CTNNA3: variants seen among roughly 807,000 people sequenced by gnomAD.
CTNNA3 encodes the protein catenin alpha-3.
In CTNNA3, 76 loss-of-function variants were observed where a neutral mutation model predicts 95.7. The observed-to-expected ratio is 0.79, with a 90% CI of 0.66 to 0.96. The LOEUF (loss-of-function observed/expected upper bound fraction) is 0.96. Among genes scored for constraint, CTNNA3 ranks in the 40% least tolerant of loss-of-function variants. CTNNA3 has a pLI of 0.00. For synonymous variants in CTNNA3, 431 were observed against 374.4 expected (o/e 1.15, Z -1.74); for missense variants, 1,191 against 1,089.8 (o/e 1.09, Z -1.31).
intron 1 of CTNNA3, among the ~76,000 whole-genome samples, chr10:67,659,106 A>C (rs558055648): frequency 6.1e-4 from 92 of 151,966 alleles, no homozygotes; most frequent in Admixed American, 2.9e-3. Context: ...AGCAGCAAAA[A>C]AGGTAAAAAA....
chr10:66,428,028 C>T (rs1246125140), intron 11 of CTNNA3, among the ~76,000 whole-genome samples: 4 of 152,112 alleles, frequency 2.6e-5, no homozygotes, highest in Non-Finnish European at 4.4e-5. Context: ...CAGAGACACA[C>T]ATGGGCTCAA....
intron 11 of CTNNA3, among the ~76,000 whole-genome samples, chr10:66,391,803 C>T (rs2092935739): frequency 6.6e-6 from 1 of 151,956 alleles, no homozygotes; most frequent in South Asian, 2.1e-4. Context: ...GACACATGCT[C>T]ATGTTAAATT....
At chr10:67,353,117 A>T (rs942915491) in intron 5 of CTNNA3, among the ~76,000 whole-genome samples, 5 of 152,052 alleles carry the variant, frequency 3.3e-5, no homozygotes, top group Admixed American at 3.3e-4. Flanking sequence ...GTAGCTTTAG[A>T]CAACATATTC....
intron 13 of CTNNA3, among the ~76,000 whole-genome samples, chr10:66,166,252 C>T (rs987826919): frequency 6.6e-6 from 1 of 151,690 alleles, no homozygotes; most frequent in African/African-American, 2.4e-5. Flanking sequence ...GATCAGGAGT[C>T]CAAGAGATCA....
chr10:66,362,715 T>A (rs10997092), intron 12 of CTNNA3, among the ~76,000 whole-genome samples: 1 of 150,674 alleles, frequency 6.6e-6, no homozygotes, highest in Non-Finnish European at 1.5e-5. Flanking sequence ...TACTTCCCCC[T>A]GCCGACCAAA....
chr10:67,639,919 T>G (rs531069026), intron 2 of CTNNA3, among the ~76,000 whole-genome samples: 14 of 152,138 alleles, frequency 9.2e-5, no homozygotes, highest in Non-Finnish European at 1.8e-4. Flanking sequence ...GGGCAAAAAC[T>G]GGAAGAATTC....
intron 3 of CTNNA3, 134 bp downstream of exon 3, chr10:67,606,723 C>T: frequency 3.0e-6 from 2 of 668,970 alleles, no homozygotes; most frequent in Non-Finnish European, 5.0e-6. Context: ...CTGCCTCCCA[C>T]AGCTAGCTCC....
intron 4 of CTNNA3, among the ~76,000 whole-genome samples, chr10:67,526,058 A>G (rs1279122365): frequency 6.6e-6 from 1 of 152,216 alleles, no homozygotes; most frequent in Admixed American, 6.5e-5. Flanking sequence ...CTAAAGCAGA[A>G]GGAAAGAATA....
At chr10:66,152,101 G>A (rs1026651160) in intron 13 of CTNNA3, among the ~76,000 whole-genome samples, 2 of 151,728 alleles carry the variant, frequency 1.3e-5, no homozygotes, top group African/African-American at 4.8e-5. Context: ...AATTGACACA[G>A]AATCATTTCA....
At chr10:66,571,386 T>TTATCTAATGG (rs1231522173) in intron 10 of CTNNA3, among the ~76,000 whole-genome samples, 1 of 152,200 alleles carries the variant, frequency 6.6e-6, no homozygotes, top group Non-Finnish European at 1.5e-5. Flanking sequence ...TACTTTCATA[T>TTATCTAATGG]AAATTGTTTC....
At chr10:66,697,960 CATT>C (rs1335338117) in intron 9 of CTNNA3, among the ~76,000 whole-genome samples, 2 of 152,058 alleles carry the variant, frequency 1.3e-5, no homozygotes, top group Admixed American at 1.3e-4. Context: ...GAACATAACT[CATT>C]GTTGGGTTTC....
chr10:66,045,859 C>T (rs1046145515), intron 15 of CTNNA3, among the ~76,000 whole-genome samples: 1 of 152,098 alleles, frequency 6.6e-6, no homozygotes, highest in South Asian at 2.1e-4. Flanking sequence ...TCATGGAACA[C>T]CTATACAATA....
intron 7 of CTNNA3, among the ~76,000 whole-genome samples, chr10:66,836,106 C>T (rs1230639424): frequency 6.6e-6 from 1 of 152,172 alleles, no homozygotes; most frequent in Non-Finnish European, 1.5e-5. Flanking sequence ...GTAGCATTTG[C>T]CAATTCTGTA....
intron 1 of CTNNA3, among the ~76,000 whole-genome samples, chr10:67,663,514 C>G (rs915654355): frequency 6.6e-6 from 1 of 152,044 alleles, no homozygotes; most frequent in Non-Finnish European, 1.5e-5. Context: ...TCCCTGTGCT[C>G]CTCTGCACAA....
At chr10:66,174,449 G>A (rs953005358) in intron 13 of CTNNA3, among the ~76,000 whole-genome samples, 9 of 151,808 alleles carry the variant, frequency 5.9e-5, no homozygotes, top group African/African-American at 1.7e-4. Context: ...AAACACTGAC[G>A]CTGCATCTAG....
intron 7 of CTNNA3, among the ~76,000 whole-genome samples, chr10:66,883,195 G>A (rs1844910717): frequency 6.6e-6 from 1 of 152,124 alleles, no homozygotes; most frequent in Admixed American, 6.6e-5. Context: ...ACAAAGCTTG[G>A]AAAGTTTGCC....
At chr10:66,868,473 C>T (rs907270230) in intron 7 of CTNNA3, among the ~76,000 whole-genome samples, 1 of 151,884 alleles carries the variant, frequency 6.6e-6, no homozygotes. Context: ...TCAAACAAGG[C>T]CAGGCACAGT....
chr10:67,207,710 A>T (rs1863963907), intron 6 of CTNNA3, among the ~76,000 whole-genome samples: 1 of 152,180 alleles, frequency 6.6e-6, no homozygotes, highest in African/African-American at 2.4e-5. Context: ...TAGAATCAGA[A>T]CCTTACAATC....
chr10:66,331,371 T>A (rs2092328424), intron 12 of CTNNA3, among the ~76,000 whole-genome samples: 15 of 74,846 alleles, frequency 2.0e-4, no homozygotes, highest in Admixed American at 5.0e-4. Flanking sequence ...TTTTTTTTTT[T>A]GAGACGGAGT....
Sources: gnomAD v4.1 joint callset for allele counts (sites outside exome capture counted in the v4.1 genomes callset) on GRCh38, gnomAD v4.1.1 for gene constraint, MANE v1.5 for transcripts, NCBI Gene and HGNC (gene_info 2026-07-23, HGNC 2026-07-21) for gene names.